The following COL19A1 variants were observed in gnomAD, a reference collection of about 807,000 sequenced individuals.
The protein encoded by COL19A1 is collagen type XIX alpha 1 chain.
Under a neutral mutation model 190.2 loss-of-function variants are expected in COL19A1, and 159 were observed. The ratio of observed to expected loss-of-function variants is 0.84; its 90% CI spans 0.73 to 0.95. COL19A1 has a LOEUF of 0.95. Ranked by LOEUF, COL19A1 falls within the 40% of genes least tolerant of loss-of-function variation. COL19A1 has a pLI of 0.00. For missense variants in COL19A1, 1,418 were observed against 1,431.9 expected, an observed-to-expected ratio of 0.99 and a Z score of 0.16; for synonymous variants, 509 against 458.9, an observed-to-expected ratio of 1.11 and a Z score of -1.39.
chr6:70,151,516 G>A (rs940779121), intron 31 of COL19A1, 78 bp downstream of exon 31: 36 of 1,393,670 alleles, frequency 2.6e-5, no homozygotes, highest in Non-Finnish European at 3.4e-5. Flanking sequence ...CAGAAATTGA[G>A]TCAATTGCTT....
At chr6:69,877,070 CAG>C (rs1307756960) in intron 1 of COL19A1, among the ~76,000 whole-genome samples, 3 of 152,056 alleles carry the variant, frequency 2.0e-5, no homozygotes, top group Non-Finnish European at 4.4e-5. Context: ...AGTTTTTTTC[CAG>C]AGTGTCTACT....
intron 12 of COL19A1, among the ~76,000 whole-genome samples, chr6:70,031,862 G>C (rs556291264): frequency 2.0e-5 from 3 of 152,182 alleles, no homozygotes; most frequent in African/African-American, 7.2e-5. Flanking sequence ...CCTGTTTATT[G>C]TCAGCCACTC....
intron 11 of COL19A1, among the ~76,000 whole-genome samples, chr6:69,980,407 G>A (rs551688099): frequency 2.0e-5 from 3 of 152,012 alleles, no homozygotes; most frequent in Non-Finnish European, 2.9e-5. Context: ...AAAAATAAAT[G>A]CCAGATAGAT....
At chr6:69,990,540 A>G (rs1467671720) in intron 11 of COL19A1, among the ~76,000 whole-genome samples, 2 of 151,668 alleles carry the variant, frequency 1.3e-5, no homozygotes, top group South Asian at 2.1e-4. Flanking sequence ...CCTCTCTGTC[A>G]TTTTGTTTGT....
rs571737308 is a variant in COL19A1, at chr6:70,068,347, T to C, written c.1171-76T>C. 319 of 975,334 alleles carry C rather than the reference T, an allele frequency of 3.3e-4. 1 individual carries two copies. The African/African-American group carries it at 4.7e-3, about 14-fold the overall frequency. The allele number at this position is 975,334 out of a possible 1,614,324, so 60.4% of individuals were successfully genotyped here. On this transcript the variant is annotated intron_variant, in intron 14 of 50. Transcript: ENST00000620364. ...TTTGTTTTAATCAACAAAATAATTATTAATTTTCACAACATTCTTTGTGAG... is the reference window on the plus strand; with the variant it reads ...TTTGTTTTAATCAACAAAATAATTACTAATTTTCACAACATTCTTTGTGAG...
chr6:69,940,843 C>G (rs926491491), intron 9 of COL19A1, among the ~76,000 whole-genome samples: 2 of 152,056 alleles, frequency 1.3e-5, no homozygotes, highest in Non-Finnish European at 2.9e-5. Flanking sequence ...TTGAAATAAA[C>G]ATGGATGTAT....
chr6:70,146,296 T>A (rs1342603883), intron 25 of COL19A1, among the ~76,000 whole-genome samples: 1 of 152,154 alleles, frequency 6.6e-6, no homozygotes, highest in African/African-American at 2.4e-5. Flanking sequence ...AATGTCTTTG[T>A]GACCCAGACT....
intron 11 of COL19A1, among the ~76,000 whole-genome samples, chr6:70,020,394 T>C (rs1371018566): frequency 1.3e-5 from 2 of 152,120 alleles, no homozygotes; most frequent in Admixed American, 6.6e-5. Flanking sequence ...TAGAGATGCC[T>C]TACTCACCAT....
rs1777845502 is a variant in COL19A1, at chr6:70,009,447, A to C, written c.1027-14180A>C. Among the ~76,000 whole-genome samples, 3 of 152,194 alleles carry C rather than the reference A, an allele frequency of 2.0e-5. No individual in the cohort carries two copies. The South Asian group carries it at 6.2e-4, about 31-fold the overall frequency. ...ATGACTAAAAAACATTGCTAAAAGC[A>C]ATTCAAGAAGACCTAAATAAATGTA... On this transcript the variant is annotated intron_variant, in intron 11 of 50. Transcript: ENST00000620364.
Position 70,180,520 on chromosome 6 carries a change from G to A in COL19A1, c.2772G>A (p.Lys924=), listed in dbSNP as rs36095199. The A allele has an allele frequency of 1.6e-5, 26 of 1,613,974 alleles. No individual in the cohort carries two copies. Among genetic ancestry groups the A allele is most frequent in the East Asian group, 1.1e-4 (5 of 44,872 alleles). ...CTGGACCAGAAGGACCCTCAGGAAA[G>A]CCAGTAAGTACTTCTTACTACTTAA... ...GFPGPEGPSG[K]PGINGKDGIP... The change falls in exon 44 of 51, where the codon AAG becomes AAA. Residue 924 remains lysine, a synonymous_variant. Coordinates refer to ENST00000620364, the MANE Select transcript of COL19A1 (RefSeq NM_001858.6).
intron 10 of COL19A1, 77 bp from the exon 11 acceptor site, chr6:69,962,749 A>G (rs1038933948): frequency 9.7e-7 from 1 of 1,026,134 alleles, no homozygotes. Flanking sequence ...TGTTTGAAAC[A>G]TAATTTTTAT....
At position 69,967,087 on chromosome 6, in the gene COL19A1, T is replaced by C. The variant is rs1383177029; in HGVS notation, c.1026+4217T>C. 2.6e-5 allele frequency among the ~76,000 whole-genome samples: 4 copies of C among 152,342 alleles called. No homozygotes were observed. The East Asian group carries it at 7.7e-4, about 29-fold the overall frequency. On this transcript the variant is annotated intron_variant, in intron 11 of 50. Transcript: ENST00000620364. ...GAACTAATTTTCTCAAAGTTAAACT[T>C]AACTGCAGAACCTATTGCTAAATAT...
intron 11 of COL19A1, among the ~76,000 whole-genome samples, chr6:69,995,016 A>C (rs1295608438): frequency 6.6e-6 from 1 of 152,098 alleles, no homozygotes; most frequent in African/African-American, 2.4e-5. Flanking sequence ...CCTTCCTTTG[A>C]AAATCAAATG....
At chr6:70,002,519 C>T (rs1343221756) in intron 11 of COL19A1, among the ~76,000 whole-genome samples, 1 of 151,762 alleles carries the variant, frequency 6.6e-6, no homozygotes, top group African/African-American at 2.4e-5. Flanking sequence ...CTATTAATTA[C>T]TGCCTCAGTT....
intron 14 of COL19A1, among the ~76,000 whole-genome samples, chr6:70,060,703 T>C (rs1380524635): frequency 6.6e-6 from 1 of 152,112 alleles, no homozygotes; most frequent in African/African-American, 2.4e-5. Context: ...GAAAACAAGC[T>C]CAGGACTCTC....
chr6:69,876,666 A>G (rs1768151517), intron 1 of COL19A1, among the ~76,000 whole-genome samples: 1 of 152,208 alleles, frequency 6.6e-6, no homozygotes, highest in African/African-American at 2.4e-5. Flanking sequence ...CATGATTGTC[A>G]CCACTGTGCC....
In COL19A1 at chr6:69,929,755, AT is replaced by A. The variant is rs1160096851; in HGVS notation, c.666+56del. 2.0e-5 allele frequency: 29 copies of A among 1,483,488 alleles called. No homozygotes were observed. The Admixed American group carries it at 3.8e-4, about 19-fold the overall frequency. The allele number at this position is 1,483,488 out of a possible 1,614,324, so 91.9% of individuals were successfully genotyped here. A position where few individuals can be genotyped will look rare whatever the true frequency, so the allele number is the denominator to read the frequency against. On this transcript the variant is annotated intron_variant, in intron 6 of 50. Coordinates refer to ENST00000620364, the MANE Select transcript of COL19A1 (RefSeq NM_001858.6). ...ACTAAAATTTCTAAGTAAAAAAAAA[AT>A]CTTATTAAAAACATTCTTCTTTTAT...
At chr6:69,947,643 T>G (rs1463009294) in intron 9 of COL19A1, among the ~76,000 whole-genome samples, 1 of 151,852 alleles carries the variant, frequency 6.6e-6, no homozygotes, top group African/African-American at 2.4e-5. Flanking sequence ...TGTGTCATTA[T>G]CTAGAAGGCC....
chr6:70,108,460 G>A (rs1176618561), intron 16 of COL19A1, among the ~76,000 whole-genome samples: 1 of 152,064 alleles, frequency 6.6e-6, no homozygotes, highest in Non-Finnish European at 1.5e-5. Flanking sequence ...GTTTCCATAG[G>A]AAAAGCTCTA....
Sources: gnomAD v4.1 joint callset for allele counts (sites outside exome capture counted in the v4.1 genomes callset) on GRCh38, gnomAD v4.1.1 for gene constraint, MANE v1.5 for transcripts, NCBI Gene and HGNC (gene_info 2026-07-23, HGNC 2026-07-21) for gene names.